Variants in DHFR2 observed in about 807,000 individuals in gnomAD.
The protein encoded by DHFR2 is dihydrofolate reductase 2.
DHFR2 carries 11 observed loss-of-function variants against 12.0 expected under a neutral mutation model. The observed-to-expected ratio is 0.92, with a 90% CI of 0.58 to 1.52. The LOEUF is 1.52. DHFR2 is among the 40% of genes most tolerant of loss of function. The pLI is 0.00. For missense variants in DHFR2, 188 were observed against 221.2 expected (o/e 0.85, Z 0.95); for synonymous variants, 87 against 79.6 (o/e 1.09, Z -0.49).
rs759264743 is a variant in DHFR2 at position 94,061,560 on chromosome 3, A to G, written c.-49T>C. 9 of 1,606,098 alleles carry G rather than the reference A, an allele frequency of 5.6e-6. No individual in the cohort carries two copies. The Admixed American group carries it at 1.5e-4, about 27-fold the overall frequency. ...AACTTGCTGGCTACGCCAGGAAGCCAGGCCAAGAATGCCGCGAAATTCCCT... is the reference window on the plus strand; with the variant it reads ...AACTTGCTGGCTACGCCAGGAAGCCGGGCCAAGAATGCCGCGAAATTCCCT... On this transcript the variant is annotated 5_prime_UTR_variant, in exon 2 of 2. Coordinates refer to ENST00000314636, the MANE Select transcript of DHFR2 (RefSeq NM_176815.5).
chr3:94,058,195 G>A lies in DHFR2; in HGVS notation c.*2753C>T, dbSNP rs1289231565. Reference sequence around the variant, plus strand: ...AGTCTTACAATGAAAACAGTCCTGCGACTTGTTCTTTCCAGAGGAAAGCAC... The same window carrying A: ...AGTCTTACAATGAAAACAGTCCTGCAACTTGTTCTTTCCAGAGGAAAGCAC... On this transcript the variant is annotated 3_prime_UTR_variant, in exon 2 of 2. Coordinates refer to ENST00000314636, the MANE Select transcript of DHFR2 (RefSeq NM_176815.5). The A allele has an allele frequency of 2.0e-5, 3 of 152,030 alleles. No individual in the cohort carries two copies. The highest frequency in any genetic ancestry group is 4.4e-5 in the Non-Finnish European group (3 of 68,010). The allele number at this position is 152,030 out of a possible 1,614,324, so 9.4% of individuals were successfully genotyped here. A position where few individuals can be genotyped will look rare whatever the true frequency, so the allele number is the denominator to read the frequency against.
In DHFR2 at chr3:94,061,227, A is replaced by G. The variant is rs374959964; in HGVS notation, c.285T>C (p.Asp95=). 5.6e-6 allele frequency: 9 copies of G among 1,613,906 alleles called. No homozygotes were observed. In the African/African-American group the frequency reaches 1.1e-4, roughly 19 times the overall value. ...GTCGTTCAGTAAGTTTTAAGGCATCATCCAAACTTCTGGCAAGAAAATGAG... is the reference window on the plus strand; with the variant it reads ...GTCGTTCAGTAAGTTTTAAGGCATCGTCCAAACTTCTGGCAAGAAAATGAG... ...QGAHFLARSL[D]DALKLTERPE... is the part of the protein sequence containing the mutation. The change falls in exon 2 of 2, where the codon GAT becomes GAC. Residue 95 remains aspartate, a synonymous_variant. Transcript: ENST00000314636.
Position 94,061,269 on chromosome 3 carries a change from CT to C in DHFR2, c.242del (p.Lys81ArgfsTer18). ...GAAAATGAGCTCCTTGTGGAGGTTC[CT>C]TGAGTTCTCTGCTGAGAACTAAATT... The part of the protein sequence containing the change: ...RINLVLSREL[K>X]EPPQGAHFLA... On this transcript the variant is annotated frameshift_variant, in exon 2 of 2. Transcript: ENST00000314636. LOFTEE classifies it high-confidence loss of function. 1 of 1,613,808 alleles carries C rather than the reference CT, an allele frequency of 6.2e-7. No individual in the cohort carries two copies. The highest frequency in any genetic ancestry group is 8.5e-7 in the Non-Finnish European group (1 of 1,179,752).
In DHFR2 at chr3:94,061,521, G is replaced by A. The variant is rs1262458734; in HGVS notation, c.-10C>T. The A allele has an allele frequency of 1.2e-6, 2 of 1,613,912 alleles. No individual in the cohort carries two copies. Among genetic ancestry groups the A allele is most frequent in the Non-Finnish European group, 1.7e-6 (2 of 1,179,894 alleles). ...TTAGCAAAAGAAACATGACAGCAGC[G>A]GTTAACACCTCCGAACTTGCTGGCT... On this transcript the variant is annotated 5_prime_UTR_variant, in exon 2 of 2. Transcript: ENST00000314636.
chr3:94,060,171 T>A lies in DHFR2; in HGVS notation c.*777A>T, dbSNP rs1442649170. The A allele has an allele frequency of 6.6e-6, 1 of 152,330 alleles. No homozygotes were observed. Among genetic ancestry groups the A allele is most frequent in the Non-Finnish European group, 1.5e-5 (1 of 68,142 alleles). 9.4% of individuals were successfully genotyped at this position (152,330 alleles called of 1,614,324 possible). A position where few individuals can be genotyped will look rare whatever the true frequency, so the allele number is the denominator to read the frequency against. ...ACAGCAGCTTCTTTCAGCAAACACCTGGAACTTGCTATTGAGTAGGTGGAG... is the reference window on the plus strand; with the variant it reads ...ACAGCAGCTTCTTTCAGCAAACACCAGGAACTTGCTATTGAGTAGGTGGAG... On this transcript the variant is annotated 3_prime_UTR_variant, in exon 2 of 2. Coordinates refer to ENST00000314636, the MANE Select transcript of DHFR2 (RefSeq NM_176815.5).
intron 1 of DHFR2, among the ~76,000 whole-genome samples, chr3:94,062,000 T>C (rs1022152327): frequency 2.6e-5 from 4 of 152,194 alleles, no homozygotes; most frequent in Admixed American, 1.3e-4. Flanking sequence ...CGTATATTGA[T>C]ATGAGCATCA....
chr3:94,061,470 G>A lies in DHFR2; in HGVS notation c.42C>T (p.Asn14=), dbSNP rs371502111. 1.1e-5 allele frequency: 17 copies of A among 1,613,924 alleles called. No individual in the cohort carries two copies. The African/African-American group carries it at 1.2e-4, about 11-fold the overall frequency. The change falls in exon 2 of 2, where the codon AAC becomes AAT. Residue 14 remains asparagine (N), a synonymous_variant. Transcript: ENST00000314636. ...GGTCCCCGTTCTTGCCGATGCCCAT[G>A]TTTTGGGACACAGCGACGATGCAGT... ...LLNCIVAVSQ[N]MGIGKNGDLP...
rs2077161170 is a variant in DHFR2 at position 94,059,481 on chromosome 3, T to A, written c.*1467A>T. Reference sequence around the variant, plus strand: ...CCCCAAAGTGCTGGGACCACAGGCGTGAGCCACCACTCCTGGCCAGTTTTT... The same window carrying A: ...CCCCAAAGTGCTGGGACCACAGGCGAGAGCCACCACTCCTGGCCAGTTTTT... On this transcript the variant is annotated 3_prime_UTR_variant, in exon 2 of 2. Coordinates refer to ENST00000314636, the MANE Select transcript of DHFR2 (RefSeq NM_176815.5). 2 of 152,296 alleles carry A rather than the reference T, an allele frequency of 1.3e-5. No homozygotes were observed. Among genetic ancestry groups the A allele is most frequent in the African/African-American group, 4.8e-5 (2 of 41,462 alleles). 9.4% of individuals were successfully genotyped at this position (152,296 alleles called of 1,614,324 possible). A position where few individuals can be genotyped will look rare whatever the true frequency, so the allele number is the denominator to read the frequency against.
rs979221413 is a variant in DHFR2 at position 94,062,872 on chromosome 3, C to A, written c.-222G>T. On this transcript the variant is annotated 5_prime_UTR_variant, in exon 1 of 2. Transcript: ENST00000314636. ...CGCTTTGGCCCTGGCCCGTTACCTC[C>A]GCGTCCTGGGAAGTATCAGCCTTTA... The A allele has an allele frequency of 2.2e-5, 11 of 501,484 alleles. No individual in the cohort carries two copies. The highest frequency in any genetic ancestry group is 4.0e-5 in the Non-Finnish European group (11 of 276,658). 31.1% of individuals were successfully genotyped at this position (501,484 alleles called of 1,614,324 possible).
chr3:94,063,192 G>A, upstream of DHFR2: 2 of 1,598,132 alleles, frequency 1.3e-6, no homozygotes, highest in Non-Finnish European at 1.7e-6. Flanking sequence ...GCTTCTGGAC[G>A]CGGCCGAGGT....
chr3:94,062,110 T>C (rs916035888), intron 1 of DHFR2, among the ~76,000 whole-genome samples: 2 of 152,336 alleles, frequency 1.3e-5, no homozygotes, highest in South Asian at 4.1e-4. Context: ...TACTGAAGCA[T>C]GACACCAAAA....
intron 1 of DHFR2, among the ~76,000 whole-genome samples, chr3:94,062,381 C>A (rs1446111624): frequency 6.6e-6 from 1 of 152,162 alleles, no homozygotes; most frequent in Non-Finnish European, 1.5e-5. Context: ...TAACACTCTC[C>A]ATTAAAAGGA....
chr3:94,062,349 G>A (rs1399149252), intron 1 of DHFR2, among the ~76,000 whole-genome samples: 2 of 152,102 alleles, frequency 1.3e-5, no homozygotes, highest in African/African-American at 4.8e-5. Flanking sequence ...TGTTGTAACC[G>A]CTTTACATGC....
chr3:94,061,151 C>T lies in DHFR2; in HGVS notation c.361G>A (p.Val121Ile). The T allele has an allele frequency of 6.2e-7, 1 of 1,613,936 alleles. No homozygotes were observed. The highest frequency in any genetic ancestry group is 8.5e-7 in the Non-Finnish European group (1 of 1,179,874). Residue 121 changes from valine to isoleucine, a missense_variant, in exon 2 of 2, where the codon GTT becomes ATT. Val to Ile is a conservative substitution (Grantham distance 29). Coordinates refer to ENST00000314636, the MANE Select transcript of DHFR2 (RefSeq NM_176815.5). ...DMIWIVGGSS[V>I]YKEAMNHLGH... Reference sequence around the variant, plus strand: ...AGGTGATTCATGGCTTCCTTATAAACAGAACTGCCACCAACTATCCAAATC... The same window carrying T: ...AGGTGATTCATGGCTTCCTTATAAATAGAACTGCCACCAACTATCCAAATC...
In DHFR2 at chr3:94,058,194, C is replaced by A. The variant is rs914192005; in HGVS notation, c.*2754G>T. The A allele has an allele frequency of 6.6e-6, 1 of 152,030 alleles. No homozygotes were observed. The highest frequency in any genetic ancestry group is 1.5e-5 in the Non-Finnish European group (1 of 68,002). 9.4% of individuals were successfully genotyped at this position (152,030 alleles called of 1,614,324 possible). A position where few individuals can be genotyped will look rare whatever the true frequency, so the allele number is the denominator to read the frequency against. Reference sequence around the variant, plus strand: ...AAGTCTTACAATGAAAACAGTCCTGCGACTTGTTCTTTCCAGAGGAAAGCA... The same window carrying A: ...AAGTCTTACAATGAAAACAGTCCTGAGACTTGTTCTTTCCAGAGGAAAGCA... On this transcript the variant is annotated 3_prime_UTR_variant, in exon 2 of 2. Coordinates refer to ENST00000314636, the MANE Select transcript of DHFR2 (RefSeq NM_176815.5).
intron 1 of DHFR2, among the ~76,000 whole-genome samples, chr3:94,062,475 C>T (rs890066446): frequency 6.6e-6 from 1 of 152,134 alleles, no homozygotes; most frequent in African/African-American, 2.4e-5. Context: ...TCCTTGGGTA[C>T]TGAATGTCTA....
At chr3:94,063,167 C>T (rs374944959), upstream of DHFR2, 2 of 1,613,366 alleles carry the variant, frequency 1.2e-6, no homozygotes, top group South Asian at 2.2e-5. Context: ...CTGGGTACCT[C>T]TATCTGAATG....
chr3:94,061,925 T>G (rs2077177705), intron 1 of DHFR2, among the ~76,000 whole-genome samples: 1 of 152,042 alleles, frequency 6.6e-6, no homozygotes, highest in Non-Finnish European at 1.5e-5. Flanking sequence ...ATATTAAGCT[T>G]CAAATCAGAT....
rs888886025 is a variant in DHFR2 at position 94,058,029 on chromosome 3, C to A, written c.*2919G>T. The A allele has an allele frequency of 2.0e-5, 3 of 152,026 alleles. No homozygotes were observed. The highest frequency in any genetic ancestry group is 4.4e-5 in the Non-Finnish European group (3 of 67,984). 9.4% of individuals were successfully genotyped at this position (152,026 alleles called of 1,614,324 possible). ...TTTCCAAGTATAACACATTGCCTTT[C>A]TCTAACAGAAATAAACTATGATTCT... is the stretch of plus-strand genomic sequence containing the variant. On this transcript the variant is annotated 3_prime_UTR_variant, in exon 2 of 2. Coordinates refer to ENST00000314636, the MANE Select transcript of DHFR2 (RefSeq NM_176815.5).
Sources: allele counts gnomAD v4.1 joint callset (sites outside exome capture counted in the v4.1 genomes callset), GRCh38; gene constraint gnomAD v4.1.1; transcripts MANE v1.5; gene names NCBI Gene and HGNC (gene_info 2026-07-23, HGNC 2026-07-21).